CDH8: variants seen among roughly 807,000 people sequenced by gnomAD.
CDH8 encodes the protein cadherin-8.
In CDH8, 17 loss-of-function variants were observed where a neutral mutation model predicts 68.1. The observed-to-expected ratio is 0.25, with a 90% CI of 0.17 to 0.37. The LOEUF is 0.37. CDH8 is among the 10% of genes least tolerant of loss of function. CDH8 has a pLI of 1.00. For synonymous variants in CDH8, 372 were observed against 365.1 expected (o/e 1.02, Z -0.21); for missense variants, 763 against 999.3 (o/e 0.76, Z 3.19).
At chr16:61,964,724 C>G (rs1250475196) in intron 2 of CDH8, among the ~76,000 whole-genome samples, 1 of 152,128 alleles carries the variant, frequency 6.6e-6, no homozygotes, top group Non-Finnish European at 1.5e-5. Context: ...TCCCTCTCTA[C>G]AGAGCACAAT....
chr16:61,987,726 C>T (rs969720649), intron 2 of CDH8, among the ~76,000 whole-genome samples: 1 of 151,018 alleles, frequency 6.6e-6, no homozygotes, highest in African/African-American at 2.4e-5. Flanking sequence ...ATATTATAAT[C>T]GTATGATGTT....
intron 8 of CDH8, among the ~76,000 whole-genome samples, chr16:61,732,078 TA>T (rs949759279): frequency 6.0e-5 from 9 of 149,156 alleles, no homozygotes; most frequent in African/African-American, 1.5e-4. Context: ...GAACAGCAGT[TA>T]AAAAAAAATA....
chr16:61,706,153 G>A (rs879771595), intron 10 of CDH8, among the ~76,000 whole-genome samples: 5 of 152,152 alleles, frequency 3.3e-5, no homozygotes, highest in Admixed American at 3.3e-4. Context: ...GTCCTACAGA[G>A]AAAAGAAAAG....
chr16:61,781,135 C>A (rs568864367), intron 8 of CDH8, among the ~76,000 whole-genome samples: 121 of 152,298 alleles, frequency 7.9e-4, no homozygotes, highest in African/African-American at 2.8e-3. Flanking sequence ...TGCCCTGGAG[C>A]ATCTATTTTT....
Position 61,670,622 on chromosome 16 carries a change from C to A in CDH8, c.1655-14901G>T, listed in dbSNP as rs1336003961. ...ACCCCATAAATACATAGAATTATTA[C>A]TTGTTGATTAAAATGTTAAAAATAA... On this transcript the variant is annotated intron_variant, in intron 10 of 11. Transcript: ENST00000577390. Among the ~76,000 whole-genome samples, 3 of 151,954 alleles carry A rather than the reference C, an allele frequency of 2.0e-5. No homozygotes were observed. The East Asian group carries it at 5.8e-4, about 29-fold the overall frequency.
chr16:61,794,712 A>C (rs945300325), intron 7 of CDH8, among the ~76,000 whole-genome samples: 1 of 152,106 alleles, frequency 6.6e-6, no homozygotes, highest in African/African-American at 2.4e-5. Context: ...GGAAGGGAGA[A>C]TAAATAGGAA....
At chr16:61,756,882 G>C (rs1960333866) in intron 8 of CDH8, among the ~76,000 whole-genome samples, 1 of 152,152 alleles carries the variant, frequency 6.6e-6, no homozygotes. Flanking sequence ...TGTGCACATA[G>C]ATACTGCTGA....
intron 2 of CDH8, among the ~76,000 whole-genome samples, chr16:61,917,240 C>CATTTTCTTCAG (rs1964254768): frequency 6.6e-6 from 1 of 151,968 alleles, no homozygotes; most frequent in African/African-American, 2.4e-5. Flanking sequence ...AATACCTGGT[C>CATTTTCTTCAG]ATTTTCTTCA....
intron 2 of CDH8, among the ~76,000 whole-genome samples, chr16:62,016,842 C>T (rs1331397046): frequency 1.3e-5 from 2 of 152,194 alleles, no homozygotes; most frequent in Non-Finnish European, 2.9e-5. Flanking sequence ...CAACGTCTTG[C>T]TTTATGACAG....
chr16:61,842,546 G>C (rs1408222009), intron 4 of CDH8, among the ~76,000 whole-genome samples: 1 of 152,106 alleles, frequency 6.6e-6, no homozygotes, highest in African/African-American at 2.4e-5. Flanking sequence ...AAATTATCCA[G>C]TCTGTGGTAT....
chr16:61,787,703 A>C (rs1961261945), intron 8 of CDH8, among the ~76,000 whole-genome samples: 1 of 149,010 alleles, frequency 6.7e-6, no homozygotes. Context: ...AATGTCCAAC[A>C]ATGATAGACT....
chr16:61,939,428 C>A (rs1456930841), intron 2 of CDH8, among the ~76,000 whole-genome samples: 1 of 152,204 alleles, frequency 6.6e-6, no homozygotes, highest in Non-Finnish European at 1.5e-5. Context: ...ATTATTTTTC[C>A]TCCTTTGCAG....
chr16:61,977,935 T>C (rs1270610245), intron 2 of CDH8, among the ~76,000 whole-genome samples: 1 of 152,200 alleles, frequency 6.6e-6, no homozygotes, highest in Non-Finnish European at 1.5e-5. Context: ...TGATAGTTTG[T>C]TATTTTTACC....
At chr16:61,674,132 C>T (rs1963849047) in intron 10 of CDH8, among the ~76,000 whole-genome samples, 1 of 151,984 alleles carries the variant, frequency 6.6e-6, no homozygotes, top group South Asian at 2.1e-4. Flanking sequence ...AAAGATACAC[C>T]ATAAAAGTAG....
At chr16:61,919,099 A>G (rs1333601917) in intron 2 of CDH8, among the ~76,000 whole-genome samples, 13 of 146,010 alleles carry the variant, frequency 8.9e-5, no homozygotes, top group East Asian at 2.3e-4. Flanking sequence ...CCTGCAGCTG[A>G]GGGTCCTGTC....
At chr16:61,706,644 A>G (rs940412156) in intron 10 of CDH8, among the ~76,000 whole-genome samples, 1 of 148,134 alleles carries the variant, frequency 6.8e-6, no homozygotes, top group African/African-American at 2.5e-5. Context: ...AAAAAAAAAA[A>G]GTGTAACTGG....
intron 4 of CDH8, among the ~76,000 whole-genome samples, chr16:61,839,384 G>C (rs1164397394): frequency 6.6e-6 from 1 of 151,928 alleles, no homozygotes; most frequent in Non-Finnish European, 1.5e-5. Flanking sequence ...TATTGTATTT[G>C]TTTTATATAT....
intron 8 of CDH8, among the ~76,000 whole-genome samples, chr16:61,775,168 G>A (rs72798718): frequency 0.093 from 14,162 of 151,896 alleles, 782 homozygotes; most frequent in African/African-American, 0.14. Context: ...GTTAGAGACC[G>A]GCCTGAGCAA....
At chr16:61,728,345 G>T (rs1336694608) in intron 8 of CDH8, among the ~76,000 whole-genome samples, 1 of 150,454 alleles carries the variant, frequency 6.6e-6, no homozygotes. Context: ...TTGCCCTGCT[G>T]GCTCTGCTAC....
Sources: gnomAD v4.1 joint callset for allele counts (sites outside exome capture counted in the v4.1 genomes callset) on GRCh38, gnomAD v4.1.1 for gene constraint, MANE v1.5 for transcripts, NCBI Gene and HGNC (gene_info 2026-07-23, HGNC 2026-07-21) for gene names.